The following PARP1 variants were observed in gnomAD, a reference collection of about 807,000 sequenced individuals.
The protein encoded by PARP1 is poly(ADP-ribose) polymerase 1, also known as poly [ADP-ribose] polymerase 1.
A neutral mutation model predicts 118.7 loss-of-function variants in PARP1; 44 were observed. That is an observed-to-expected ratio of 0.37 (90% CI 0.29 to 0.48). The LOEUF is 0.48. Ranked by LOEUF, PARP1 falls within the 20% of genes least tolerant of loss-of-function variation. The probability of loss-of-function intolerance (pLI) is 0.99; values close to 1 mark genes in which losing one functional copy is unlikely to be tolerated. For missense variants in PARP1, 1,100 were observed against 1,272.4 expected (o/e 0.86, Z 2.06); for synonymous variants, 492 against 483.2 (o/e 1.02, Z -0.24).
rs1007378862 is a variant in PARP1 at position 226,360,786 on chromosome 1, A to G, written c.*674T>C. The G allele has an allele frequency of 5.7e-5, 13 of 228,686 alleles. No individual in the cohort carries two copies. The highest frequency in any genetic ancestry group is 2.9e-4 in the African/African-American group (13 of 45,110). 14.2% of individuals were successfully genotyped at this position (228,686 alleles called of 1,614,324 possible). On this transcript the variant is annotated 3_prime_UTR_variant, in exon 23 of 23. Transcript: ENST00000366794. ...TTTAATTTGGAAGACAAAAGTGCCCATAAGAAAGTCAAGAATTTCAAATGC... is the reference window on the plus strand; with the variant it reads ...TTTAATTTGGAAGACAAAAGTGCCCGTAAGAAAGTCAAGAATTTCAAATGC...
intron 21 of PARP1, among the ~76,000 whole-genome samples, chr1:226,362,640 G>A (rs1664166950): frequency 6.6e-6 from 1 of 152,164 alleles, no homozygotes; most frequent in Non-Finnish European, 1.5e-5. Context: ...TAAATCATAT[G>A]CTGCAAATTC....
intron 1 of PARP1, among the ~76,000 whole-genome samples, chr1:226,407,137 T>G (rs1340668257): frequency 1.3e-5 from 2 of 152,084 alleles, no homozygotes; most frequent in Non-Finnish European, 2.9e-5. Context: ...AAAGCCCACA[T>G]GAGAAACCCC....
intron 20 of PARP1, 104 bp from the exon 21 acceptor site, chr1:226,363,264 C>T: frequency 2.4e-6 from 2 of 832,974 alleles, no homozygotes; most frequent in South Asian, 2.7e-5. Context: ...AGATAAAAGT[C>T]CACAAAACCC....
chr1:226,363,040 C>T (rs747659), intron 21 of PARP1, 59 bp downstream of exon 21: 226,514 of 1,221,420 alleles, frequency 0.19, 23,237 homozygotes, highest in African/African-American at 0.38. Context: ...AGCAAGCCCC[C>T]GGCTTCTGTG....
At chr1:226,404,613 G>A (rs1433256997) in intron 1 of PARP1, among the ~76,000 whole-genome samples, 1 of 152,228 alleles carries the variant, frequency 6.6e-6, no homozygotes, top group Non-Finnish European at 1.5e-5. Context: ...CACAAGCTTA[G>A]AGGACAAGAG....
At chr1:226,403,438 G>A (rs1264530950) in intron 1 of PARP1, among the ~76,000 whole-genome samples, 1 of 152,190 alleles carries the variant, frequency 6.6e-6, no homozygotes, top group African/African-American at 2.4e-5. Context: ...TCGGCTTCCC[G>A]AAGTGCTGGG....
intron 2 of PARP1, among the ~76,000 whole-genome samples, chr1:226,393,885 C>T (rs1298218503): frequency 1.3e-5 from 2 of 152,048 alleles, no homozygotes; most frequent in African/African-American, 2.4e-5. Context: ...CAAAGACACA[C>T]CACAAATGAG....
chr1:226,376,899 G>T (rs1169848201), intron 13 of PARP1, among the ~76,000 whole-genome samples: 7 of 152,146 alleles, frequency 4.6e-5, no homozygotes, highest in Non-Finnish European at 1.0e-4. Flanking sequence ...TTTGGCTCTG[G>T]TATCAGGGTG....
intron 2 of PARP1, 164 bp downstream of exon 2, chr1:226,402,050 T>C (rs565734551): frequency 9.6e-5 from 147 of 1,538,620 alleles, no homozygotes; most frequent in Admixed American, 4.8e-4. Flanking sequence ...CAGATGATGC[T>C]GAGTCCAGGA....
intron 14 of PARP1, among the ~76,000 whole-genome samples, chr1:226,372,539 G>A (rs1664407843): frequency 6.6e-6 from 1 of 152,128 alleles, no homozygotes; most frequent in Non-Finnish European, 1.5e-5. Flanking sequence ...GCCAGGCACA[G>A]TCGTGCACGC....
intron 14 of PARP1, among the ~76,000 whole-genome samples, chr1:226,372,094 A>G (rs1284734723): frequency 6.6e-6 from 1 of 152,188 alleles, no homozygotes; most frequent in Admixed American, 6.5e-5. Context: ...GCCCCCTGCC[A>G]TGTGTCGTGA....
chr1:226,365,196 T>C, intron 18 of PARP1, 42 bp from the exon 19 acceptor site: 5 of 1,608,188 alleles, frequency 3.1e-6, no homozygotes, highest in Non-Finnish European at 4.3e-6. Context: ...AAAGAAGCCA[T>C]TTGTTACTCT....
chr1:226,379,885 G>T (rs2102735289), intron 10 of PARP1, 37 bp downstream of exon 10: 1 of 1,612,516 alleles, frequency 6.2e-7, no homozygotes, highest in Non-Finnish European at 8.5e-7. Context: ...AATGTCCCTG[G>T]CTTTTGGCCC....
intron 2 of PARP1, among the ~76,000 whole-genome samples, chr1:226,401,466 G>C (rs754858688): frequency 2.0e-5 from 3 of 152,236 alleles, no homozygotes; most frequent in Non-Finnish European, 4.4e-5. Context: ...TAAGAAACGG[G>C]GTGGTAACTT....
intron 14 of PARP1, among the ~76,000 whole-genome samples, chr1:226,373,156 C>A (rs1343228695): frequency 6.6e-6 from 1 of 152,144 alleles, no homozygotes; most frequent in Non-Finnish European, 1.5e-5. Flanking sequence ...CCAGTTTTGA[C>A]CCCCTGTCCT....
chr1:226,377,820 T>A (rs1005792438), intron 12 of PARP1, among the ~76,000 whole-genome samples: 17 of 152,172 alleles, frequency 1.1e-4, no homozygotes, highest in African/African-American at 4.1e-4. Flanking sequence ...AGGGTACACA[T>A]CACACACACC....
At chr1:226,376,054 G>T (rs905162942) in intron 13 of PARP1, among the ~76,000 whole-genome samples, 10 of 152,074 alleles carry the variant, frequency 6.6e-5, no homozygotes, top group African/African-American at 2.2e-4. Flanking sequence ...AATCTGTCCT[G>T]AAAGTCTACT....
chr1:226,374,061 G>T (rs1023075728), intron 14 of PARP1, among the ~76,000 whole-genome samples, 165 bp downstream of exon 14: 1 of 152,194 alleles, frequency 6.6e-6, no homozygotes, highest in Non-Finnish European at 1.5e-5. Context: ...ACCACTCCAG[G>T]CCCCAACACT....
At chr1:226,383,940 T>C (rs1018208822) in intron 7 of PARP1, among the ~76,000 whole-genome samples, 2 of 152,224 alleles carry the variant, frequency 1.3e-5, no homozygotes, top group African/African-American at 2.4e-5. Context: ...CCACCTAATA[T>C]GTGCTACCAA....
Sources: allele counts gnomAD v4.1 joint callset (sites outside exome capture counted in the v4.1 genomes callset), GRCh38; gene constraint gnomAD v4.1.1; transcripts MANE v1.5; gene names NCBI Gene and HGNC (gene_info 2026-07-23, HGNC 2026-07-21).